SLC30A8: variants seen among roughly 807,000 people sequenced by gnomAD.
The protein encoded by SLC30A8 is solute carrier family 30 member 8.
SLC30A8 carries 27 observed loss-of-function variants against 36.9 expected under a neutral mutation model. That is an observed-to-expected ratio of 0.73 (90% CI 0.54 to 1.01). SLC30A8 has a LOEUF of 1.01. SLC30A8 is among the 50% of genes least tolerant of loss of function. The pLI is 0.00. For synonymous variants in SLC30A8, 164 were observed against 172.4 expected, an observed-to-expected ratio of 0.95 and a Z score of 0.38; for missense variants, 439 against 452.0, an observed-to-expected ratio of 0.97 and a Z score of 0.26.
chr8:117,123,924 T>C (rs541274256), intron 2 of SLC30A8, among the ~76,000 whole-genome samples: 2 of 151,988 alleles, frequency 1.3e-5, no homozygotes, highest in Non-Finnish European at 2.9e-5. Flanking sequence ...AGTTGGTATG[T>C]TAACTTGCTG....
chr8:117,141,492 A>T (rs1017685673), intron 1 of SLC30A8, among the ~76,000 whole-genome samples: 5 of 152,186 alleles, frequency 3.3e-5, no homozygotes, highest in African/African-American at 1.2e-4. Flanking sequence ...CACCTGTGAA[A>T]CTAGAAATAG....
chr8:117,160,203 A>C (rs1822704848), intron 4 of SLC30A8, among the ~76,000 whole-genome samples: 1 of 152,260 alleles, frequency 6.6e-6, no homozygotes, highest in African/African-American at 2.4e-5. Flanking sequence ...AAGAGATTCT[A>C]GGATGAAGGT....
At chr8:117,127,429 A>G (rs1288345127) in intron 2 of SLC30A8, among the ~76,000 whole-genome samples, 1 of 152,022 alleles carries the variant, frequency 6.6e-6, no homozygotes, top group Non-Finnish European at 1.5e-5. Flanking sequence ...GTGTAGAGCA[A>G]CAAATATAAT....
In SLC30A8 at chr8:117,175,708, T is replaced by C. The variant is rs2129817280; in HGVS notation, c.*3027T>C. ...TGTTGTTTTTTATTATGTACAAACA[T>C]GAGTGGGCACAGAATTTTAAATCAT... is the stretch of plus-strand genomic sequence containing the variant. On this transcript the variant is annotated 3_prime_UTR_variant, in exon 8 of 8. Coordinates refer to ENST00000456015, the MANE Select transcript of SLC30A8 (RefSeq NM_173851.3). The C allele has an allele frequency of 6.6e-6, 1 of 152,256 alleles. No homozygotes were observed. Among genetic ancestry groups the C allele is most frequent in the Non-Finnish European group, 1.5e-5 (1 of 67,998 alleles). The allele number at this position is 152,256 out of a possible 1,614,324, so 9.4% of individuals were successfully genotyped here.
intron 1 of SLC30A8, among the ~76,000 whole-genome samples, chr8:117,013,407 G>A (rs1275343181): frequency 6.6e-6 from 1 of 152,170 alleles, no homozygotes; most frequent in African/African-American, 2.4e-5. Flanking sequence ...TACAAGGACT[G>A]AGCAGCAGAG....
chr8:117,001,041 G>T (rs754548989), intron 1 of SLC30A8, among the ~76,000 whole-genome samples: 142 of 152,080 alleles, frequency 9.3e-4, no homozygotes, highest in Non-Finnish European at 1.9e-3. Flanking sequence ...TCCACTATGT[G>T]GTTTGTATGA....
At chr8:117,020,740 T>C (rs879415829) in intron 1 of SLC30A8, among the ~76,000 whole-genome samples, 11 of 152,164 alleles carry the variant, frequency 7.2e-5, no homozygotes, top group Admixed American at 5.9e-4. Context: ...ATATTGGTAT[T>C]GTATTGTAAG....
At chr8:117,024,751 T>C (rs1190231899) in intron 1 of SLC30A8, among the ~76,000 whole-genome samples, 1 of 152,220 alleles carries the variant, frequency 6.6e-6, no homozygotes, top group Non-Finnish European at 1.5e-5. Flanking sequence ...TAAATATTTA[T>C]GTTCTTTTTC....
chr8:117,090,004 A>T (rs1423936503), intron 2 of SLC30A8, among the ~76,000 whole-genome samples: 1 of 151,112 alleles, frequency 6.6e-6, no homozygotes, highest in Non-Finnish European at 1.5e-5. Flanking sequence ...ACACATTCTC[A>T]CTCTGTTGGC....
chr8:117,085,983 A>T (rs1376224040), intron 2 of SLC30A8, among the ~76,000 whole-genome samples: 1 of 152,182 alleles, frequency 6.6e-6, no homozygotes, highest in African/African-American at 2.4e-5. Flanking sequence ...TAAACTGACA[A>T]GTTTGGAACT....
intron 3 of SLC30A8, among the ~76,000 whole-genome samples, chr8:117,153,911 G>A (rs999048331): frequency 2.0e-5 from 3 of 152,140 alleles, no homozygotes; most frequent in Non-Finnish European, 4.4e-5. Flanking sequence ...CTCTGATTAA[G>A]AAAGGGAGAG....
At chr8:117,138,849 G>A (rs1563620989) in intron 1 of SLC30A8, among the ~76,000 whole-genome samples, 1 of 152,012 alleles carries the variant, frequency 6.6e-6, no homozygotes, top group African/African-American at 2.4e-5. Context: ...GTGCAGTGGT[G>A]TAAAGGTACT....
chr8:117,025,125 A>G (rs897896872), intron 1 of SLC30A8, among the ~76,000 whole-genome samples: 1 of 152,228 alleles, frequency 6.6e-6, no homozygotes, highest in Non-Finnish European at 1.5e-5. Context: ...TTATCTTGGC[A>G]CATTTGAAAT....
At chr8:117,068,475 A>C (rs1053650094) in intron 2 of SLC30A8, among the ~76,000 whole-genome samples, 1 of 152,156 alleles carries the variant, frequency 6.6e-6, no homozygotes, top group African/African-American at 2.4e-5. Context: ...TCTGCTCCAC[A>C]TGCATCATTT....
At chr8:117,110,585 G>A (rs1820184000) in intron 2 of SLC30A8, among the ~76,000 whole-genome samples, 1 of 152,156 alleles carries the variant, frequency 6.6e-6, no homozygotes, top group South Asian at 2.1e-4. Context: ...ACATGACGAA[G>A]CCTTTCCTTT....
intron 1 of SLC30A8, among the ~76,000 whole-genome samples, chr8:117,026,290 A>T (rs1365674899): frequency 6.6e-6 from 1 of 152,206 alleles, no homozygotes; most frequent in East Asian, 1.9e-4. Context: ...TTTTAGGGTG[A>T]CAGATAAAGA....
intron 2 of SLC30A8, among the ~76,000 whole-genome samples, chr8:117,054,467 A>G (rs1817806701): frequency 6.6e-6 from 1 of 152,194 alleles, no homozygotes; most frequent in Non-Finnish European, 1.5e-5. Flanking sequence ...TAGGTGAAGT[A>G]ACAGATGAGA....
intron 1 of SLC30A8, among the ~76,000 whole-genome samples, chr8:116,981,374 G>T (rs1586357395): frequency 6.6e-6 from 1 of 152,078 alleles, no homozygotes. Flanking sequence ...TCACAAGTAG[G>T]CCCTGATACA....
At chr8:116,996,316 A>G (rs1231434452) in intron 1 of SLC30A8, among the ~76,000 whole-genome samples, 2 of 152,220 alleles carry the variant, frequency 1.3e-5, no homozygotes, top group African/African-American at 4.8e-5. Context: ...GCTTTCAGTC[A>G]GGAGCACTTT....
Sources: gnomAD v4.1 joint callset for allele counts (sites outside exome capture counted in the v4.1 genomes callset) on GRCh38, gnomAD v4.1.1 for gene constraint, MANE v1.5 for transcripts, NCBI Gene and HGNC (gene_info 2026-07-23, HGNC 2026-07-21) for gene names.